EPM2A: variants seen among roughly 807,000 people sequenced by gnomAD.
EPM2A encodes EPM2A glucan phosphatase, laforin.
In EPM2A, 21 loss-of-function variants were observed where a neutral mutation model predicts 26.5. The observed-to-expected ratio is 0.79, with a 90% CI of 0.56 to 1.14. EPM2A has a LOEUF of 1.14. Ranked by LOEUF, EPM2A falls within the 50% of genes most tolerant of loss-of-function variation. The pLI, the probability that EPM2A is intolerant of heterozygous loss-of-function variation, is 0.00. For missense variants in EPM2A, 458 were observed against 440.8 expected (o/e 1.04, Z -0.35); for synonymous variants, 217 against 177.6 (o/e 1.22, Z -1.76).
intron 2 of EPM2A, among the ~76,000 whole-genome samples, chr6:145,575,246 G>C (rs1234770871): frequency 6.6e-6 from 1 of 152,098 alleles, no homozygotes; most frequent in African/African-American, 2.4e-5. Context: ...TGGCAAAAAA[G>C]GTAAATCAGA....
chr6:145,386,016 A>G (rs929063003), intron 4 of EPM2A, among the ~76,000 whole-genome samples: 13 of 152,098 alleles, frequency 8.5e-5, no homozygotes. Flanking sequence ...TCCAGTTTCT[A>G]CTATCTTACC....
At chr6:145,699,873 C>G (rs915094311) in intron 1 of EPM2A, among the ~76,000 whole-genome samples, 1 of 152,070 alleles carries the variant, frequency 6.6e-6, no homozygotes, top group Non-Finnish European at 1.5e-5. Context: ...GGAAGCATTT[C>G]AAAGGTTGTA....
chr6:145,464,987 C>T lies in EPM2A; in HGVS notation c.555+37535G>A, dbSNP rs560043141. On this transcript the variant is annotated intron_variant, in intron 4 of 4. Coordinates refer to the EPM2A transcript ENST00000638717. ...CTCTTCCCGAGGAGTATCTTTGTGG[C>T]GTTCTCTGTATTTCCTGAATCTGAA... Among the ~76,000 whole-genome samples the T allele has an allele frequency of 3.4e-3, 511 of 152,024 alleles. 4 individuals carry two copies. The highest frequency in any genetic ancestry group is 5.8e-3 in the Admixed American group (88 of 15,256).
chr6:145,525,899 G>A (rs527990809), intron 2 of EPM2A, among the ~76,000 whole-genome samples: 1 of 151,732 alleles, frequency 6.6e-6, no homozygotes, highest in South Asian at 2.1e-4. Context: ...TCCACATTTT[G>A]CCCATTAAGT....
chr6:145,535,237 G>A (rs1344045897), intron 2 of EPM2A, among the ~76,000 whole-genome samples: 5 of 152,084 alleles, frequency 3.3e-5, no homozygotes, highest in Non-Finnish European at 5.9e-5. Context: ...TGTAACCATC[G>A]CTTTAAAATG....
At chr6:145,673,584 T>C (rs1243636217) in intron 2 of EPM2A, among the ~76,000 whole-genome samples, 1 of 152,186 alleles carries the variant, frequency 6.6e-6, no homozygotes, top group African/African-American at 2.4e-5. Context: ...ATACTGCACT[T>C]TTCCCATGGT....
At chr6:145,455,549 G>T (rs1216908372) in intron 4 of EPM2A, among the ~76,000 whole-genome samples, 1 of 152,014 alleles carries the variant, frequency 6.6e-6, no homozygotes, top group African/African-American at 2.4e-5. Context: ...GTAGAGACAG[G>T]GTTTCACCAT....
At chr6:145,682,455 T>C (rs1367728498) in intron 2 of EPM2A, 1 of 152,202 alleles carries the variant, frequency 6.6e-6, no homozygotes, top group East Asian at 1.9e-4. Context: ...TGGCTTCACA[T>C]TTCTGTTCAA....
chr6:145,590,041 GA>G (rs1781251657), intron 2 of EPM2A, among the ~76,000 whole-genome samples: 1 of 152,086 alleles, frequency 6.6e-6, no homozygotes, highest in Non-Finnish European at 1.5e-5. Flanking sequence ...AGAATACAGA[GA>G]AATATTGCCA....
chr6:145,484,993 AT>A (rs1366023958), intron 4 of EPM2A, among the ~76,000 whole-genome samples: 1 of 39,914 alleles, frequency 2.5e-5, no homozygotes, highest in African/African-American at 8.7e-5. Context: ...ACATTAAAAT[AT>A]ATATATATAT....
intron 2 of EPM2A, among the ~76,000 whole-genome samples, chr6:145,615,487 C>G (rs1459210918): frequency 6.6e-6 from 1 of 151,816 alleles, no homozygotes; most frequent in Non-Finnish European, 1.5e-5. Flanking sequence ...ATTGGGGTAC[C>G]AATTTACAGT....
At chr6:145,706,891 T>C (rs572263362) in intron 1 of EPM2A, among the ~76,000 whole-genome samples, 5 of 152,278 alleles carry the variant, frequency 3.3e-5, no homozygotes, top group African/African-American at 1.2e-4. Flanking sequence ...TCCAATGATA[T>C]TGAGGTAGGG....
chr6:145,632,507 G>A (rs1285027835), intron 3 of EPM2A, among the ~76,000 whole-genome samples: 1 of 152,150 alleles, frequency 6.6e-6, no homozygotes. Context: ...CTAGGTGAAA[G>A]ACACAAACCA....
chr6:145,437,311 C>A (rs1055730012), intron 4 of EPM2A, among the ~76,000 whole-genome samples: 1 of 152,100 alleles, frequency 6.6e-6, no homozygotes. Context: ...CCCATTCATG[C>A]TACCTGTTAA....
At chr6:145,664,731 T>C (rs371907848) in intron 2 of EPM2A, among the ~76,000 whole-genome samples, 67 of 152,086 alleles carry the variant, frequency 4.4e-4, no homozygotes, top group African/African-American at 1.5e-3. Context: ...CACCACACCA[T>C]ACCTATTCCA....
In EPM2A at chr6:145,726,835, A is replaced by G. The variant is rs1346170546; in HGVS notation, c.301+8363T>C. On this transcript the variant is annotated intron_variant, in intron 1 of 3. Coordinates refer to ENST00000367519, the MANE Select transcript of EPM2A (RefSeq NM_005670.4). ...ATAGATAAGGTATTGGAAGAGAAAA[A>G]GTATGTTAAGTAAAAATAATGAAAT... Among the ~76,000 whole-genome samples the G allele has an allele frequency of 3.3e-5, 5 of 152,178 alleles. 1 individual carries two copies.
At chr6:145,654,551 G>A (rs1778122752) in intron 2 of EPM2A, among the ~76,000 whole-genome samples, 1 of 152,158 alleles carries the variant, frequency 6.6e-6, no homozygotes, top group Non-Finnish European at 1.5e-5. Flanking sequence ...CATACTCAAA[G>A]TCCAACCGAA....
chr6:145,627,810 G>C, intron 3 of EPM2A, 117 bp from the exon 4 acceptor site: 1 of 1,425,304 alleles, frequency 7.0e-7, no homozygotes, highest in Non-Finnish European at 9.5e-7. Context: ...GCAGGGATAC[G>C]AGAGTTTGCT....
chr6:145,530,320 T>G lies in EPM2A; in HGVS notation c.341-27745A>C, dbSNP rs192849202. 2.2e-4 allele frequency among the ~76,000 whole-genome samples: 34 copies of G among 152,346 alleles called. No homozygotes were observed. The East Asian group carries it at 3.1e-3, about 14-fold the overall frequency. Reference sequence around the variant, plus strand: ...AAAAACAGAGGGATGAGAGGGTAATTGAATTTAAGGGTTTTAAAGTTTATT... The same window carrying G: ...AAAAACAGAGGGATGAGAGGGTAATGGAATTTAAGGGTTTTAAAGTTTATT... On this transcript the variant is annotated intron_variant, in intron 2 of 3. Coordinates refer to the EPM2A transcript ENST00000450221.
Sources: allele counts gnomAD v4.1 joint callset (sites outside exome capture counted in the v4.1 genomes callset), GRCh38; gene constraint gnomAD v4.1.1; transcripts MANE v1.5; gene names NCBI Gene and HGNC (gene_info 2026-07-23, HGNC 2026-07-21).